TOP1: variants seen among roughly 807,000 people sequenced by gnomAD.
TOP1 encodes the protein DNA topoisomerase I.
In TOP1, 10 loss-of-function variants were observed where a neutral mutation model predicts 111.1. The ratio of observed to expected loss-of-function variants is 0.09; its 90% CI spans 0.06 to 0.15. The LOEUF is 0.15. TOP1 is among the 10% of genes least tolerant of loss of function. The pLI is 1.00. For synonymous variants in TOP1, 271 were observed against 302.9 expected, an observed-to-expected ratio of 0.89 and a Z score of 1.10; for missense variants, 474 against 926.7, an observed-to-expected ratio of 0.51 and a Z score of 6.34.
At chr20:41,051,935 A>T (rs2033410908) in intron 2 of TOP1, among the ~76,000 whole-genome samples, 1 of 152,158 alleles carries the variant, frequency 6.6e-6, no homozygotes, top group Non-Finnish European at 1.5e-5. Flanking sequence ...ACATGTTTAT[A>T]ATTTCTTGGA....
rs935097194 is a variant in TOP1, at chr20:41,095,035, AT to A, written c.731-2177del. Among the ~76,000 whole-genome samples the A allele has an allele frequency of 7.2e-5, 11 of 151,914 alleles. No individual in the cohort carries two copies. Among genetic ancestry groups the A allele is most frequent in the African/African-American group, 2.2e-4 (9 of 41,390 alleles). On this transcript the variant is annotated intron_variant, in intron 9 of 20. Transcript: ENST00000361337. The surrounding 1 kb of genome is among the most constrained non-coding windows in gnomAD (Gnocchi z 4.6). The stretch of plus-strand genomic sequence containing the variant: ...ATTCAGTAAAACAGCCCAAAATCTC[AT>A]TTTTTTTAAATTTATTTTTATATTT...
chr20:41,050,341 T>G (rs1247521154), intron 2 of TOP1, among the ~76,000 whole-genome samples: 2 of 152,204 alleles, frequency 1.3e-5, no homozygotes, highest in African/African-American at 4.8e-5. Context: ...TTTTTAAGGG[T>G]TTCTTTAGAG....
At chr20:41,031,860 T>C (rs761490721) in intron 2 of TOP1, among the ~76,000 whole-genome samples, 2 of 152,112 alleles carry the variant, frequency 1.3e-5, no homozygotes, top group African/African-American at 2.4e-5. Flanking sequence ...GAAGGAAGGA[T>C]TTGATAATTT....
chr20:41,047,961 AAGTT>A (rs1465262100), intron 2 of TOP1, among the ~76,000 whole-genome samples: 8 of 152,138 alleles, frequency 5.3e-5, no homozygotes, highest in African/African-American at 1.7e-4. Flanking sequence ...CTTATTATCT[AAGTT>A]AGAGTAGCTG....
At position 41,083,384 on chromosome 20, in the gene TOP1, A is replaced by G. The variant is rs570937324; in HGVS notation, c.508-1078A>G. ...TACTGTAAGCTTTCCTCTTTTTTCT[A>G]TTCCTATCTTGATTGCCATCCTATT... is the stretch of plus-strand genomic sequence containing the variant. On this transcript the variant is annotated intron_variant, in intron 7 of 20. Transcript: ENST00000361337. The surrounding 1 kb of genome is among the most constrained non-coding windows in gnomAD (Gnocchi z 7.2). Among the ~76,000 whole-genome samples the G allele has an allele frequency of 4.9e-4, 75 of 152,098 alleles. No individual in the cohort carries two copies. Among genetic ancestry groups the G allele is most frequent in the Middle Eastern group, 3.4e-3 (1 of 294 alleles).
Position 41,118,682 on chromosome 20 carries a change from T to G in TOP1, c.1950+386T>G, listed in dbSNP as rs1456441652. Among the ~76,000 whole-genome samples the G allele has an allele frequency of 1.3e-5, 2 of 152,230 alleles. No individual in the cohort carries two copies. Among genetic ancestry groups the G allele is most frequent in the Non-Finnish European group, 2.9e-5 (2 of 68,040 alleles). On this transcript the variant is annotated intron_variant, in intron 18 of 20. Coordinates refer to ENST00000361337, the MANE Select transcript of TOP1 (RefSeq NM_003286.4). This position sits in a 1 kb window ranked among gnomAD's most constrained non-coding sequence, Gnocchi z 4.6. ...ATTTCCAAATTAGATTGTTTCAAAT[T>G]GAAAAGATGATGAAACAATTATATA... is the stretch of plus-strand genomic sequence containing the variant.
In TOP1 at chr20:41,073,507, T is replaced by C. The variant is rs1372406704; in HGVS notation, c.156-2664T>C. On this transcript the variant is annotated intron_variant, in intron 3 of 20. Coordinates refer to ENST00000361337, the MANE Select transcript of TOP1 (RefSeq NM_003286.4). ...CGATGGTAAAATAAAGCTAGGACCTTATAGCAAGTCTCAGACTCACCATGG... is the reference window on the plus strand; with the variant it reads ...CGATGGTAAAATAAAGCTAGGACCTCATAGCAAGTCTCAGACTCACCATGG... 5.1e-6 allele frequency: 5 copies of C among 982,738 alleles called. No individual in the cohort carries two copies. In the East Asian group the frequency reaches 3.4e-4, roughly 67 times the overall value. 60.9% of individuals were successfully genotyped at this position (982,738 alleles called of 1,614,324 possible). A position where few individuals can be genotyped will look rare whatever the true frequency, so the allele number is the denominator to read the frequency against.
intron 3 of TOP1, among the ~76,000 whole-genome samples, chr20:41,068,039 A>G (rs2033628026): frequency 6.6e-6 from 1 of 152,238 alleles, no homozygotes; most frequent in African/African-American, 2.4e-5. Flanking sequence ...AGTCCCCACT[A>G]CATTATTCCT....
intron 2 of TOP1, among the ~76,000 whole-genome samples, chr20:41,049,147 C>T (rs939060752): frequency 6.6e-6 from 1 of 152,174 alleles, no homozygotes; most frequent in Non-Finnish European, 1.5e-5. Flanking sequence ...TGTGTCTTTT[C>T]CATGGCAAAG....
At chr20:41,084,722 C>A (rs1022546433) in intron 8 of TOP1, among the ~76,000 whole-genome samples, 154 bp downstream of exon 8, 6 of 152,192 alleles carry the variant, frequency 3.9e-5, no homozygotes, top group African/African-American at 1.4e-4. Context: ...AGTTTTCCAA[C>A]TTCTAGTGAA....
At chr20:41,084,886 A>T (rs1264279662) in intron 8 of TOP1, among the ~76,000 whole-genome samples, 1 of 152,242 alleles carries the variant, frequency 6.6e-6, no homozygotes, top group Non-Finnish European at 1.5e-5. Context: ...ACAGATTATT[A>T]TGTAAGTCGT....
chr20:41,043,892 C>T (rs2033299202), intron 2 of TOP1, among the ~76,000 whole-genome samples: 1 of 152,184 alleles, frequency 6.6e-6, no homozygotes, highest in Admixed American at 6.5e-5. Flanking sequence ...TCCTTTTTCC[C>T]TTTTAAGTTC....
chr20:41,111,912 G>C (rs543684783), intron 13 of TOP1, among the ~76,000 whole-genome samples: 16 of 152,190 alleles, frequency 1.1e-4, no homozygotes, highest in African/African-American at 1.7e-4. Context: ...GCTCTTGCTT[G>C]TGAGTCTATT....
chr20:41,088,377 C>T (rs2033873421), intron 8 of TOP1, among the ~76,000 whole-genome samples: 1 of 152,168 alleles, frequency 6.6e-6, no homozygotes, highest in Non-Finnish European at 1.5e-5. Flanking sequence ...TGGCGGGCAC[C>T]TGTCGTCCCC....
At chr20:41,047,672 C>G (rs939567539) in intron 2 of TOP1, among the ~76,000 whole-genome samples, 3 of 152,174 alleles carry the variant, frequency 2.0e-5, no homozygotes, top group Non-Finnish European at 4.4e-5. Context: ...TTTTGTGCTA[C>G]TGTGGCAGAA....
intron 2 of TOP1, among the ~76,000 whole-genome samples, chr20:41,050,220 G>A (rs2033387693): frequency 6.6e-6 from 1 of 152,212 alleles, no homozygotes; most frequent in African/African-American, 2.4e-5. Context: ...CTTTCACCGT[G>A]TTGGTCAGGC....
rs985032403 is a variant in TOP1, at chr20:41,034,065, T to C, written c.58+4610T>C. 6.6e-6 allele frequency among the ~76,000 whole-genome samples: 1 copy of C among 152,236 alleles called. No homozygotes were observed. The highest frequency in any genetic ancestry group is 1.9e-4 in the East Asian group (1 of 5,206). On this transcript the variant is annotated intron_variant, in intron 2 of 20. Coordinates refer to ENST00000361337, the MANE Select transcript of TOP1 (RefSeq NM_003286.4). The surrounding 1 kb of genome is among the most constrained non-coding windows in gnomAD (Gnocchi z 4.0). ...TCAGTTGAGTGAATTTTCTGTGTTGTATGGTTTAGATTATCTGACTATCCC... is the reference window on the plus strand; with the variant it reads ...TCAGTTGAGTGAATTTTCTGTGTTGCATGGTTTAGATTATCTGACTATCCC...
At chr20:41,073,800 A>C (rs1015625408) in intron 3 of TOP1, among the ~76,000 whole-genome samples, 2 of 152,182 alleles carry the variant, frequency 1.3e-5, no homozygotes, top group African/African-American at 2.4e-5. Context: ...ACCAAGTACA[A>C]TGCTTGCTTA....
chr20:41,045,973 G>A (rs1406036252), intron 2 of TOP1, among the ~76,000 whole-genome samples: 1 of 152,182 alleles, frequency 6.6e-6, no homozygotes, highest in African/African-American at 2.4e-5. Flanking sequence ...AACAAAATCC[G>A]ATTGTAGCTT....
Sources: gnomAD v4.1 joint callset for allele counts (sites outside exome capture counted in the v4.1 genomes callset) on GRCh38, gnomAD v4.1.1 for gene constraint, Gnocchi (gnomAD v3.1) non-coding constraint, MANE v1.5 for transcripts, NCBI Gene and HGNC (gene_info 2026-07-23, HGNC 2026-07-21) for gene names.